Variants in SLC44A2 observed in about 807,000 individuals in gnomAD.
The protein encoded by SLC44A2 is choline transporter-like protein 2.
SLC44A2 carries 57 observed loss-of-function variants against 90.8 expected under a neutral mutation model. That is an observed-to-expected ratio of 0.63 (90% CI 0.51 to 0.78). SLC44A2 has a LOEUF of 0.78. SLC44A2 is among the 30% of genes least tolerant of loss of function. The probability of loss-of-function intolerance (pLI) is 0.00; values close to 1 mark genes in which losing one functional copy is unlikely to be tolerated. For missense variants in SLC44A2, 794 were observed against 919.7 expected, an observed-to-expected ratio of 0.86 and a Z score of 1.77; for synonymous variants, 355 against 360.7, an observed-to-expected ratio of 0.98 and a Z score of 0.18.
chr19:10,621,718 A>T (rs907150452), upstream of SLC44A2, among the ~76,000 whole-genome samples: 1 of 152,160 alleles, frequency 6.6e-6, no homozygotes, highest in Non-Finnish European at 1.5e-5. Flanking sequence ...TCCCAGGTTC[A>T]AGCGATTCTC....
At chr19:10,618,508 C>CG (rs2144824240) in intron 1 of SLC44A2, among the ~76,000 whole-genome samples, 1 of 115,894 alleles carries the variant, frequency 8.6e-6, no homozygotes, top group South Asian at 2.9e-4. Flanking sequence ...GAGACGGAGT[C>CG]GTGCTCTGTT....
At chr19:10,637,551 G>A in intron 16 of SLC44A2, 93 bp from the exon 17 acceptor site, 2 of 1,167,474 alleles carry the variant, frequency 1.7e-6, no homozygotes, top group African/African-American at 3.0e-5. Flanking sequence ...AGGAGACCTG[G>A]ACATTGGCAA....
At chr19:10,634,137 ATT>A (rs1177075276) in intron 10 of SLC44A2, among the ~76,000 whole-genome samples, 446 of 80,286 alleles carry the variant, frequency 5.6e-3, no homozygotes, top group African/African-American at 0.017. Context: ...CGCCCAGCTA[ATT>A]TTTTTTTTTT....
rs555251155 is a variant in SLC44A2, at chr19:10,642,731, T to C, written c.2014+280T>C. ...GCTTTGACTGGGGGGAGGGGATCTG[T>C]GGCTGCCACTAACTCTGGTCTCTCC... On this transcript the variant is annotated intron_variant, in intron 21 of 21. Coordinates refer to ENST00000335757, the MANE Select transcript of SLC44A2 (RefSeq NM_020428.4). Among the ~76,000 whole-genome samples the C allele has an allele frequency of 1.2e-4, 19 of 152,316 alleles. No homozygotes were observed. In the East Asian group the frequency reaches 2.3e-3, roughly 19 times the overall value.
At chr19:10,632,779 TCTC>T (rs1329402454) in intron 10 of SLC44A2, among the ~76,000 whole-genome samples, 13 of 151,102 alleles carry the variant, frequency 8.6e-5, no homozygotes, top group African/African-American at 2.7e-4. Context: ...TCCAAGCTAT[TCTC>T]CTGCCTCAGC....
chr19:10,644,483 C>T lies in SLC44A2; in HGVS notation c.*1098C>T, dbSNP rs1415436364. The stretch of plus-strand genomic sequence containing the variant: ...CCCGTTTCCTGTGCCTGCACCAGCC[C>T]TGCCCCCATTGCGTCTGCACACCCC... On this transcript the variant is annotated 3_prime_UTR_variant, in exon 22 of 22. Transcript: ENST00000335757. The T allele has an allele frequency of 1.3e-5, 2 of 153,474 alleles. No homozygotes were observed. Among genetic ancestry groups the T allele is most frequent in the Admixed American group, 6.5e-5 (1 of 15,290 alleles). 9.5% of individuals were successfully genotyped at this position (153,474 alleles called of 1,614,324 possible).
At chr19:10,632,441 CAGG>C (rs1243245397) in intron 10 of SLC44A2, among the ~76,000 whole-genome samples, 2 of 149,316 alleles carry the variant, frequency 1.3e-5, no homozygotes, top group Non-Finnish European at 3.0e-5. Context: ...GAGGCTGAGG[CAGG>C]AGAATCGCTT....
intron 1 of SLC44A2, among the ~76,000 whole-genome samples, chr19:10,610,680 C>T (rs2144809062): frequency 8.6e-6 from 1 of 115,774 alleles, no homozygotes; most frequent in African/African-American, 3.5e-5. Flanking sequence ...ACTCTTGTTG[C>T]CCAGGCTGGA....
chr19:10,638,956 C>T (rs1385718990), intron 20 of SLC44A2, among the ~76,000 whole-genome samples: 1 of 152,160 alleles, frequency 6.6e-6, no homozygotes. Context: ...CGAGCCACCA[C>T]GTGTGGCTAA....
chr19:10,636,191 C>T (rs962950508), intron 14 of SLC44A2, 132 bp from the exon 15 acceptor site: 104 of 1,105,058 alleles, frequency 9.4e-5, no homozygotes, highest in Non-Finnish European at 1.3e-4. Context: ...ACTCTTAATT[C>T]CTTCCCTTAA....
intron 1 of SLC44A2, among the ~76,000 whole-genome samples, 174 bp from the exon 2 acceptor site, chr19:10,626,079 T>C (rs1456366691): frequency 2.6e-5 from 4 of 152,216 alleles, no homozygotes; most frequent in African/African-American, 9.6e-5. Flanking sequence ...CTGCCAGAAC[T>C]GGGGGCTTGG....
intron 14 of SLC44A2, 28 bp from the exon 15 acceptor site, chr19:10,636,295 G>T: frequency 6.3e-7 from 1 of 1,587,962 alleles, no homozygotes; most frequent in Non-Finnish European, 8.6e-7. Context: ...GCCTCTTTTT[G>T]GACTCGGTTC....
intron 20 of SLC44A2, chr19:10,641,093 G>A (rs577950492): frequency 6.0e-5 from 22 of 369,258 alleles, no homozygotes; most frequent in South Asian, 1.6e-4. Context: ...TCTCAGGAGG[G>A]AAAAAAAAAA....
At chr19:10,623,333 G>A (rs371849878), upstream of SLC44A2, among the ~76,000 whole-genome samples, 1 of 152,064 alleles carries the variant, frequency 6.6e-6, no homozygotes, top group Non-Finnish European at 1.5e-5. Flanking sequence ...AGTTGAGTTA[G>A]TGACCAGAGC....
At position 10,627,991 on chromosome 19, in the gene SLC44A2, G is replaced by T. The variant is rs2066952397; in HGVS notation, c.232G>T (p.Gly78Cys). The T allele has an allele frequency of 6.2e-7, 1 of 1,613,192 alleles. No individual in the cohort carries two copies. Among genetic ancestry groups the T allele is most frequent in the Admixed American group, 1.7e-5 (1 of 59,830 alleles). Reference sequence around the variant, plus strand: ...CCGGGGCGAGTTCTGCGGGCAGAAGGGCACAAAAAACGAGTGAGTTGACTC... The same window carrying T: ...CCGGGGCGAGTTCTGCGGGCAGAAGTGCACAAAAAACGAGTGAGTTGACTC... ...DSRGEFCGQKGTKNENKPYLF... is the reference protein window; with the variant it reads ...DSRGEFCGQKCTKNENKPYLF... Residue 78 changes from glycine to cysteine, a missense_variant, in exon 4 of 22, where the codon GGC becomes TGC. Transcript: ENST00000335757.
chr19:10,639,440 G>A (rs574509344), intron 20 of SLC44A2, among the ~76,000 whole-genome samples: 14 of 11,564 alleles, frequency 1.2e-3, no homozygotes, highest in African/African-American at 0.012. Flanking sequence ...GGGCAGGTGT[G>A]GGGGGGGTCC....
At chr19:10,627,892 G>A in intron 3 of SLC44A2, 28 bp from the exon 4 acceptor site, 4 of 1,612,790 alleles carry the variant, frequency 2.5e-6, no homozygotes, top group Middle Eastern at 1.7e-4. Context: ...GAGTGGCAGT[G>A]TCTCAGTATC....
At chr19:10,642,475 C>G in intron 21 of SLC44A2, 24 bp downstream of exon 21, 6 of 1,607,034 alleles carry the variant, frequency 3.7e-6, no homozygotes, top group Non-Finnish European at 5.1e-6. Context: ...CACCCCAAAC[C>G]TTGCTGGGCC....
In SLC44A2 at chr19:10,637,651, G is replaced by C; in HGVS notation, c.1599G>C (p.Glu533Asp). 6.2e-7 allele frequency: 1 copy of C among 1,614,072 alleles called. No individual in the cohort carries two copies. Among genetic ancestry groups the C allele is most frequent in the Non-Finnish European group, 8.5e-7 (1 of 1,179,980 alleles). The change falls in exon 17 of 22, where the codon GAG becomes GAC. Residue 533 changes from glutamate to aspartate, a missense_variant. Glu to Asp is a conservative substitution (Grantham distance 45, BLOSUM62 2). Coordinates refer to ENST00000335757, the MANE Select transcript of SLC44A2 (RefSeq NM_020428.4). ...CCTTCCCTTCTCTTCCAGCTGCAGA[G>C]AACAAGTTTGCCAAGTGCCTCATGA... ...EYLDQRLKAA[E>D]NKFAKCLMTC...
Sources: allele counts gnomAD v4.1 joint callset (sites outside exome capture counted in the v4.1 genomes callset), GRCh38; gene constraint gnomAD v4.1.1; transcripts MANE v1.5; gene names NCBI Gene and HGNC (gene_info 2026-07-23, HGNC 2026-07-21).